Variants in SGIP1 observed in about 807,000 individuals in gnomAD.
The protein encoded by SGIP1 is SH3-containing GRB2-like protein 3-interacting protein 1.
SGIP1 carries 38 observed loss-of-function variants against 107.5 expected under a neutral mutation model. The observed-to-expected ratio is 0.35, with a 90% confidence interval of 0.27 to 0.46. The LOEUF (loss-of-function observed/expected upper bound fraction) is 0.46. Among genes scored for constraint, SGIP1 ranks in the 20% least tolerant of loss-of-function variants. The probability of loss-of-function intolerance (pLI) is 1.00; values close to 1 mark genes in which losing one functional copy is unlikely to be tolerated. For synonymous variants in SGIP1, 365 were observed against 366.1 expected (o/e 1.00, Z 0.03); for missense variants, 929 against 1,019.5 (o/e 0.91, Z 1.21).
chr1:66,633,992 C>T (rs2149406100), intron 3 of SGIP1: 1 of 1,233,578 alleles, frequency 8.1e-7, no homozygotes, highest in South Asian at 1.4e-5. Flanking sequence ...CGCCTTTTGC[C>T]TTCATGTGGT....
Position 66,667,187 on chromosome 1 carries a change from C to G in SGIP1, c.472-343C>G, listed in dbSNP as rs141554665. ...TTCTCTATTCTCTAAGTACCCCCCC[C>G]CAAACTATCTGGAGAAAAACTTCTA... On this transcript the variant is annotated intron_variant, in intron 8 of 24. Transcript: ENST00000371037. 2.6e-4 allele frequency among the ~76,000 whole-genome samples: 40 copies of G among 152,234 alleles called. No homozygotes were observed. The East Asian group carries it at 4.6e-3, about 18-fold the overall frequency.
intron 1 of SGIP1, among the ~76,000 whole-genome samples, chr1:66,617,847 G>T (rs764513369): frequency 1.3e-5 from 2 of 152,148 alleles, no homozygotes; most frequent in Non-Finnish European, 2.9e-5. Flanking sequence ...CAAAAAAATC[G>T]CATTCTTGTT....
At chr1:66,604,859 A>G (rs542007217) in intron 1 of SGIP1, among the ~76,000 whole-genome samples, 5 of 152,248 alleles carry the variant, frequency 3.3e-5, no homozygotes, top group African/African-American at 1.2e-4. Context: ...CCAATCATTC[A>G]CTTAGTTTTT....
chr1:66,600,753 G>A (rs750357027), intron 1 of SGIP1, among the ~76,000 whole-genome samples: 3 of 152,210 alleles, frequency 2.0e-5, no homozygotes, highest in Admixed American at 6.5e-5. Flanking sequence ...AGCCATGCAA[G>A]CCTGTGGGTT....
intron 1 of SGIP1, 42 bp from the exon 2 acceptor site, chr1:66,625,805 T>A (rs1365886102): frequency 6.4e-7 from 1 of 1,557,902 alleles, no homozygotes; most frequent in South Asian, 1.1e-5. Flanking sequence ...TTCACTTGAA[T>A]GTTGCTGAGA....
intron 1 of SGIP1, among the ~76,000 whole-genome samples, chr1:66,542,218 G>A (rs1361266630): frequency 1.3e-5 from 2 of 151,786 alleles, no homozygotes; most frequent in Non-Finnish European, 2.9e-5. Flanking sequence ...CTTTATCACA[G>A]GTAAAATTAA....
intron 10 of SGIP1, 92 bp from the exon 11 acceptor site, chr1:66,671,852 T>C (rs907033648): frequency 1.6e-5 from 20 of 1,259,744 alleles, no homozygotes; most frequent in Middle Eastern, 3.7e-4. Flanking sequence ...TTGATGGGAC[T>C]TAAATCTCTA....
intron 1 of SGIP1, among the ~76,000 whole-genome samples, chr1:66,597,321 T>C (rs2064903930): frequency 6.6e-6 from 1 of 152,266 alleles, no homozygotes; most frequent in South Asian, 2.1e-4. Context: ...TTTGGTCTTC[T>C]ATAACAGAAA....
chr1:66,625,447 G>T (rs2072429823), intron 1 of SGIP1, among the ~76,000 whole-genome samples: 1 of 152,198 alleles, frequency 6.6e-6, no homozygotes, highest in Non-Finnish European at 1.5e-5. Context: ...TGGGCCACAT[G>T]ATCCATGTCT....
At chr1:66,737,094 G>C (rs2094290401) in intron 21 of SGIP1, among the ~76,000 whole-genome samples, 3 of 152,158 alleles carry the variant, frequency 2.0e-5, no homozygotes, top group Non-Finnish European at 4.4e-5. Context: ...TGCTTTGGGA[G>C]AAATGAAAGG....
At chr1:66,668,682 G>A (rs568657849) in intron 9 of SGIP1, among the ~76,000 whole-genome samples, 1 of 152,292 alleles carries the variant, frequency 6.6e-6, no homozygotes, top group East Asian at 1.9e-4. Flanking sequence ...GTGACCAGTT[G>A]GTGGTTCTCT....
rs1212114146 is a variant in SGIP1, at chr1:66,746,016, T to A, written c.*2921T>A. 4 of 152,176 alleles carry A rather than the reference T, an allele frequency of 2.6e-5. No homozygotes were observed. Among genetic ancestry groups the A allele is most frequent in the Non-Finnish European group, 4.4e-5 (3 of 67,974 alleles). The allele number at this position is 152,176 out of a possible 1,614,324, so 9.4% of individuals were successfully genotyped here. On this transcript the variant is annotated 3_prime_UTR_variant, in exon 25 of 25. Transcript: ENST00000371037. Reference sequence around the variant, plus strand: ...TATATTTCACCTGTAAAAGAAAGAATGTCCACAATTCAAACGGTTTTGAGT... The same window carrying A: ...TATATTTCACCTGTAAAAGAAAGAAAGTCCACAATTCAAACGGTTTTGAGT...
chr1:66,574,649 T>C (rs1305388962), intron 1 of SGIP1, among the ~76,000 whole-genome samples: 1 of 152,186 alleles, frequency 6.6e-6, no homozygotes, highest in Non-Finnish European at 1.5e-5. Context: ...CATGTCTTTC[T>C]TAAGCAAATC....
At chr1:66,611,242 T>C (rs944347598) in intron 1 of SGIP1, among the ~76,000 whole-genome samples, 3 of 152,264 alleles carry the variant, frequency 2.0e-5, no homozygotes, top group African/African-American at 7.2e-5. Flanking sequence ...ACCTGTGAGA[T>C]AAGATCCATT....
At chr1:66,658,196 AAG>A (rs1294145298) in intron 7 of SGIP1, among the ~76,000 whole-genome samples, 1 of 152,208 alleles carries the variant, frequency 6.6e-6, no homozygotes, top group Non-Finnish European at 1.5e-5. Flanking sequence ...CCTTATAAGT[AAG>A]AGTTTTAGTT....
Position 66,679,717 on chromosome 1 carries a change from C to A in SGIP1, c.779C>A (p.Pro260Gln), listed in dbSNP as rs763420416. The A allele has an allele frequency of 1.2e-6, 2 of 1,605,382 alleles. No homozygotes were observed. Among genetic ancestry groups the A allele is most frequent in the East Asian group, 2.3e-5 (1 of 44,040 alleles). Residue 260 changes from proline (P) to glutamine (Q), a missense_variant, in exon 14 of 25, where the codon CCA (proline) becomes CAA (glutamine). Physicochemically the swap from Pro to Gln is moderately conservative, Grantham distance 76 (BLOSUM62 -1). Coordinates refer to ENST00000371037, the MANE Select transcript of SGIP1 (RefSeq NM_032291.4). The part of the protein sequence containing the change: ...PLPPKNVPAT[P>Q]PRTGSPLTIG... Reference sequence around the variant, plus strand: ...CCTCCAAAAAATGTACCAGCTACCCCACCCCGAACAGGATCCCCCTTAACA... The same window carrying A: ...CCTCCAAAAAATGTACCAGCTACCCAACCCCGAACAGGATCCCCCTTAACA...
chr1:66,581,437 T>C (rs922154778), intron 1 of SGIP1, among the ~76,000 whole-genome samples: 1 of 152,004 alleles, frequency 6.6e-6, no homozygotes, highest in African/African-American at 2.4e-5. Flanking sequence ...TAGTAGGAGC[T>C]CAATCTTAGC....
At chr1:66,664,198 G>T (rs2082079561) in intron 8 of SGIP1, among the ~76,000 whole-genome samples, 1 of 152,142 alleles carries the variant, frequency 6.6e-6, no homozygotes, top group Non-Finnish European at 1.5e-5. Flanking sequence ...GCACAGTATG[G>T]ATTAGTCAAT....
chr1:66,639,866 G>A (rs755293112), intron 5 of SGIP1, 33 bp downstream of exon 5: 2 of 1,558,316 alleles, frequency 1.3e-6, no homozygotes, highest in South Asian at 1.1e-5. Flanking sequence ...TCTTTATTAA[G>A]TATTTTACAG....
Sources: gnomAD v4.1 joint callset for allele counts (sites outside exome capture counted in the v4.1 genomes callset) on GRCh38, gnomAD v4.1.1 for gene constraint, MANE v1.5 for transcripts, NCBI Gene and HGNC (gene_info 2026-07-23, HGNC 2026-07-21) for gene names.